TENM4: variants seen among roughly 807,000 people sequenced by gnomAD.
The protein encoded by TENM4 is teneurin-4.
Under a neutral mutation model 243.3 loss-of-function variants are expected in TENM4, and 82 were observed. The observed-to-expected ratio is 0.34, with a 90% CI of 0.28 to 0.40. The LOEUF (loss-of-function observed/expected upper bound fraction) is 0.40, where lower values mean the gene tolerates loss of function less well. Among genes scored for constraint, TENM4 ranks in the 10% least tolerant of loss-of-function variants. The probability of loss-of-function intolerance (pLI) is 1.00; values close to 1 mark genes in which losing one functional copy is unlikely to be tolerated. For synonymous variants in TENM4, 1,412 were observed against 1,456.3 expected (o/e 0.97, Z 0.69); for missense variants, 3,138 against 3,673.3 (o/e 0.85, Z 3.77).
At chr11:78,719,577 C>A (rs914346529) in intron 25 of TENM4, among the ~76,000 whole-genome samples, 19 of 152,300 alleles carry the variant, frequency 1.2e-4, no homozygotes, top group African/African-American at 4.6e-4. Context: ...ATCTGAGCTG[C>A]AGGTGGATAA....
At chr11:79,337,868 C>G (rs61882487) in intron 1 of TENM4, among the ~76,000 whole-genome samples, 10,204 of 152,298 alleles carry the variant, frequency 0.067, 395 homozygotes, top group Middle Eastern at 0.071. Context: ...TATCCACACT[C>G]TGCAGACAAG....
At chr11:79,258,463 T>C (rs1187848569) in intron 2 of TENM4, among the ~76,000 whole-genome samples, 1 of 152,186 alleles carries the variant, frequency 6.6e-6, no homozygotes, top group Non-Finnish European at 1.5e-5. Context: ...AATAACTCTA[T>C]ACAACTTCTC....
intron 6 of TENM4, among the ~76,000 whole-genome samples, chr11:78,993,362 G>A (rs988619351): frequency 5.3e-5 from 8 of 152,026 alleles, no homozygotes; most frequent in East Asian, 1.9e-4. Context: ...ATTTTATTAC[G>A]GTTTTGTGTT....
At chr11:79,142,400 T>C (rs1862303426) in intron 4 of TENM4, among the ~76,000 whole-genome samples, 1 of 151,972 alleles carries the variant, frequency 6.6e-6, no homozygotes, top group Non-Finnish European at 1.5e-5. Flanking sequence ...AATAAAGTTG[T>C]TAAATACCTA....
chr11:79,190,725 G>A (rs1863462486), intron 3 of TENM4, among the ~76,000 whole-genome samples: 1 of 151,984 alleles, frequency 6.6e-6, no homozygotes, highest in South Asian at 2.1e-4. Flanking sequence ...TGTTAATGTT[G>A]CAAAGCAGTT....
At chr11:78,855,673 C>T (rs1858664128) in intron 11 of TENM4, among the ~76,000 whole-genome samples, 2 of 152,154 alleles carry the variant, frequency 1.3e-5, no homozygotes, top group Admixed American at 1.3e-4. Flanking sequence ...TTCTAAACTG[C>T]ATGCTTTTTT....
chr11:79,063,430 C>T (rs1384918268), intron 6 of TENM4, among the ~76,000 whole-genome samples: 8 of 152,106 alleles, frequency 5.3e-5, no homozygotes, highest in African/African-American at 1.7e-4. Context: ...TTCAGACTGC[C>T]CTCCCCTTAC....
At chr11:78,717,050 T>A (rs1030305398) in intron 25 of TENM4, among the ~76,000 whole-genome samples, 2 of 152,246 alleles carry the variant, frequency 1.3e-5, no homozygotes, top group African/African-American at 4.8e-5. Flanking sequence ...TGAGCAGGGC[T>A]GGACACAGAG....
intron 12 of TENM4, among the ~76,000 whole-genome samples, chr11:78,822,641 G>A (rs971339984): frequency 3.3e-5 from 5 of 152,082 alleles, no homozygotes; most frequent in African/African-American, 1.2e-4. Context: ...CTAGATGACA[G>A]GTTGATAGGC....
intron 4 of TENM4, among the ~76,000 whole-genome samples, chr11:79,084,598 A>T (rs1201290202): frequency 2.6e-5 from 4 of 152,136 alleles, no homozygotes; most frequent in Non-Finnish European, 5.9e-5. Flanking sequence ...CACATAGCCA[A>T]TCGCCAAAGC....
At chr11:78,926,288 T>C (rs1003900181) in intron 6 of TENM4, among the ~76,000 whole-genome samples, 2 of 150,634 alleles carry the variant, frequency 1.3e-5, no homozygotes, top group African/African-American at 4.9e-5. Flanking sequence ...TTTTTTTTTT[T>C]TTTTTTGAGG....
chr11:79,356,411 T>G (rs1192105942), intron 1 of TENM4, among the ~76,000 whole-genome samples: 1 of 152,236 alleles, frequency 6.6e-6, no homozygotes, highest in African/African-American at 2.4e-5. Context: ...TTTGTCCCAG[T>G]GCCTGGTGTA....
intron 9 of TENM4, among the ~76,000 whole-genome samples, chr11:78,882,491 G>C (rs1029148183): frequency 6.6e-6 from 1 of 152,194 alleles, no homozygotes; most frequent in African/African-American, 2.4e-5. Context: ...GCTAGGGATT[G>C]AGTATGTGAA....
rs113999828 is a variant in TENM4 at position 79,003,755 on chromosome 11, C to T, written c.493+60983G>A. Among the ~76,000 whole-genome samples, 445 of 152,068 alleles carry T rather than the reference C, an allele frequency of 2.9e-3. 2 individuals carry two copies. The highest frequency in any genetic ancestry group is 9.7e-3 in the African/African-American group (403 of 41,466). ...CTATGTACACACATAAGTATATAGA[C>T]CATTGACACTATAAAGTGACAACAC... On this transcript the variant is annotated intron_variant, in intron 6 of 33. Transcript: ENST00000278550.
intron 6 of TENM4, among the ~76,000 whole-genome samples, chr11:78,998,833 G>A (rs1171265250): frequency 6.6e-6 from 1 of 152,210 alleles, no homozygotes; most frequent in East Asian, 1.9e-4. Context: ...ATTCTTGGCT[G>A]AGATGTGAAT....
intron 6 of TENM4, among the ~76,000 whole-genome samples, chr11:78,977,072 C>A (rs1857676374): frequency 6.6e-6 from 1 of 152,120 alleles, no homozygotes; most frequent in Non-Finnish European, 1.5e-5. Flanking sequence ...CTCTCTGAAC[C>A]CTGTAGGGGG....
intron 2 of TENM4, among the ~76,000 whole-genome samples, chr11:79,279,559 G>C (rs561899): frequency 6.6e-6 from 1 of 151,778 alleles, no homozygotes; most frequent in African/African-American, 2.4e-5. Flanking sequence ...CAGAGTACCA[G>C]GTCCACACTC....
At chr11:79,176,590 T>C (rs990551341) in intron 3 of TENM4, among the ~76,000 whole-genome samples, 3 of 152,250 alleles carry the variant, frequency 2.0e-5, no homozygotes, top group Non-Finnish European at 4.4e-5. Context: ...TACTTTTAAT[T>C]ACTTGACACC....
chr11:78,869,852 A>G (rs996683699), intron 9 of TENM4, among the ~76,000 whole-genome samples: 7 of 152,238 alleles, frequency 4.6e-5, no homozygotes, highest in Non-Finnish European at 7.3e-5. Flanking sequence ...CGCTGACAGC[A>G]TAGCTAGATT....
Sources: allele counts gnomAD v4.1 joint callset (sites outside exome capture counted in the v4.1 genomes callset), GRCh38; gene constraint gnomAD v4.1.1; transcripts MANE v1.5; gene names NCBI Gene and HGNC (gene_info 2026-07-23, HGNC 2026-07-21).